GMDS: variants seen among roughly 807,000 people sequenced by gnomAD.
The protein encoded by GMDS is GDP-mannose 4,6 dehydratase.
Under a neutral mutation model 49.9 loss-of-function variants are expected in GMDS, and 20 were observed. That is an observed-to-expected ratio of 0.40 (90% CI 0.28 to 0.58). GMDS has a LOEUF of 0.58. Ranked by LOEUF, GMDS falls within the 20% of genes least tolerant of loss-of-function variation. The pLI, the probability that GMDS is intolerant of heterozygous loss-of-function variation, is 0.42. For missense variants in GMDS, 362 were observed against 481.4 expected, an observed-to-expected ratio of 0.75 and a Z score of 2.32; for synonymous variants, 177 against 178.6, an observed-to-expected ratio of 0.99 and a Z score of 0.07.
At chr6:1,672,083 A>G (rs1256783727) in intron 9 of GMDS, among the ~76,000 whole-genome samples, 1 of 152,230 alleles carries the variant, frequency 6.6e-6, no homozygotes, top group Non-Finnish European at 1.5e-5. Context: ...CTGTCTTATT[A>G]TATTTCTACA....
chr6:2,123,424 T>C (rs1775250564), intron 2 of GMDS, among the ~76,000 whole-genome samples: 2 of 152,206 alleles, frequency 1.3e-5, no homozygotes. Flanking sequence ...TAGCTCATTT[T>C]CTAGGTTCAC....
At chr6:1,729,058 G>T (rs1170359183) in intron 8 of GMDS, among the ~76,000 whole-genome samples, 1 of 152,142 alleles carries the variant, frequency 6.6e-6, no homozygotes, top group Non-Finnish European at 1.5e-5. Context: ...CAGGTTAATG[G>T]TATCGCCTCA....
At chr6:2,180,606 T>C (rs1778477182) in intron 1 of GMDS, among the ~76,000 whole-genome samples, 1 of 152,204 alleles carries the variant, frequency 6.6e-6, no homozygotes, top group African/African-American at 2.4e-5. Context: ...TTGAGTAACT[T>C]GTTCCTCTGT....
intron 7 of GMDS, among the ~76,000 whole-genome samples, chr6:1,913,038 ATTG>A (rs1195111443): frequency 6.6e-6 from 1 of 152,192 alleles, no homozygotes; most frequent in Non-Finnish European, 1.5e-5. Flanking sequence ...TTGCTCATTT[ATTG>A]TTATTTGATC....
At chr6:2,030,078 G>A (rs1768856822) in intron 4 of GMDS, among the ~76,000 whole-genome samples, 2 of 146,404 alleles carry the variant, frequency 1.4e-5, no homozygotes, top group Admixed American at 1.3e-4. Context: ...AGGGAAGCGG[G>A]TGCCCACACA....
intron 9 of GMDS, among the ~76,000 whole-genome samples, chr6:1,694,411 T>C (rs968893326): frequency 6.6e-6 from 1 of 152,222 alleles, no homozygotes; most frequent in Admixed American, 6.5e-5. Flanking sequence ...TAAAAGGTAG[T>C]CATTGTGGTA....
chr6:1,849,999 C>CTTT (rs1389928538), intron 7 of GMDS, among the ~76,000 whole-genome samples: 3 of 152,202 alleles, frequency 2.0e-5, no homozygotes, highest in Non-Finnish European at 4.4e-5. Flanking sequence ...ATTCACTGCA[C>CTTT]ATAAAATACT....
At chr6:2,210,150 T>C (rs1487392394) in intron 1 of GMDS, among the ~76,000 whole-genome samples, 1 of 152,154 alleles carries the variant, frequency 6.6e-6, no homozygotes, top group Non-Finnish European at 1.5e-5. Context: ...ATTTCAAAAA[T>C]CTATTTCCTA....
At chr6:1,657,305 A>C (rs2814823) in intron 9 of GMDS, among the ~76,000 whole-genome samples, 149,163 of 152,248 alleles carry the variant, frequency 0.98, 73,145 homozygotes, top group East Asian at 1. Flanking sequence ...CGCAGGTGCA[A>C]GGTGGACAGC....
chr6:2,024,459 C>A (rs1160094512), intron 4 of GMDS, among the ~76,000 whole-genome samples: 1 of 151,850 alleles, frequency 6.6e-6, no homozygotes, highest in East Asian at 1.9e-4. Context: ...GAAAGAAAGG[C>A]AAACAAGAGA....
At chr6:2,216,461 C>T (rs188928213) in intron 1 of GMDS, among the ~76,000 whole-genome samples, 15 of 152,300 alleles carry the variant, frequency 9.8e-5, no homozygotes, top group Non-Finnish European at 1.0e-4. Context: ...TGCTATGAAC[C>T]TCTAAGATTA....
intron 4 of GMDS, among the ~76,000 whole-genome samples, chr6:1,974,274 G>A (rs1003949874): frequency 2.0e-5 from 3 of 152,128 alleles, no homozygotes; most frequent in African/African-American, 4.8e-5. Context: ...AGGAGGGCCA[G>A]AAGCTCAAAA....
At chr6:1,710,561 C>A (rs1765915105) in intron 9 of GMDS, among the ~76,000 whole-genome samples, 1 of 152,208 alleles carries the variant, frequency 6.6e-6, no homozygotes, top group African/African-American at 2.4e-5. Flanking sequence ...AAACACACGT[C>A]TGCCCTGACA....
At chr6:1,721,609 T>C (rs1766386046) in intron 9 of GMDS, among the ~76,000 whole-genome samples, 1 of 152,170 alleles carries the variant, frequency 6.6e-6, no homozygotes, top group East Asian at 1.9e-4. Flanking sequence ...AAAGGGACTT[T>C]TTGTTTGTTT....
intron 5 of GMDS, among the ~76,000 whole-genome samples, chr6:1,960,212 T>C (rs539706083): frequency 5.9e-5 from 9 of 152,364 alleles, no homozygotes; most frequent in South Asian, 2.1e-4. Context: ...ATCGAATTGA[T>C]TGAATCTTTC....
At chr6:1,926,541 T>C (rs1762017111) in intron 7 of GMDS, among the ~76,000 whole-genome samples, 1 of 152,246 alleles carries the variant, frequency 6.6e-6, no homozygotes, top group Non-Finnish European at 1.5e-5. Flanking sequence ...TGACCTACAT[T>C]TGCAAACACT....
chr6:1,912,609 G>A (rs1416328776), intron 7 of GMDS, among the ~76,000 whole-genome samples: 1 of 152,116 alleles, frequency 6.6e-6, no homozygotes, highest in African/African-American at 2.4e-5. Flanking sequence ...ATACTGTGGG[G>A]TCTTCCTCTC....
chr6:2,119,274 T>A (rs1472095940), intron 2 of GMDS, among the ~76,000 whole-genome samples: 3 of 152,158 alleles, frequency 2.0e-5, no homozygotes, highest in Non-Finnish European at 1.5e-5. Flanking sequence ...GACAAAAATA[T>A]TAAATGATTT....
chr6:2,099,261 C>G (rs1773787496), intron 4 of GMDS, among the ~76,000 whole-genome samples: 1 of 152,002 alleles, frequency 6.6e-6, no homozygotes, highest in South Asian at 2.1e-4. Flanking sequence ...AGCATCAATT[C>G]GTTAAATAGA....
Sources: gnomAD v4.1 joint callset for allele counts (sites outside exome capture counted in the v4.1 genomes callset) on GRCh38, gnomAD v4.1.1 for gene constraint, MANE v1.5 for transcripts, NCBI Gene and HGNC (gene_info 2026-07-23, HGNC 2026-07-21) for gene names.